OPRD1: variants seen among roughly 807,000 people sequenced by gnomAD.
The protein encoded by OPRD1 is opioid receptor delta 1.
In OPRD1, 19 loss-of-function variants were observed where a neutral mutation model predicts 17.5. The ratio of observed to expected loss-of-function variants is 1.09; its 90% confidence interval spans 0.76 to 1.60. OPRD1 has a LOEUF of 1.60. Ranked by LOEUF, OPRD1 falls within the 40% of genes most tolerant of loss-of-function variation. OPRD1 has a pLI of 0.00. For missense variants in OPRD1, 483 were observed against 547.2 expected, an observed-to-expected ratio of 0.88 and a Z score of 1.17; for synonymous variants, 256 against 240.9, an observed-to-expected ratio of 1.06 and a Z score of -0.58.
At chr1:28,845,654 T>C (rs989591494) in intron 1 of OPRD1, among the ~76,000 whole-genome samples, 1 of 152,194 alleles carries the variant, frequency 6.6e-6, no homozygotes, top group Non-Finnish European at 1.5e-5. Context: ...TTGCCAAATC[T>C]GGTGTCATGA....
chr1:28,834,377 T>C (rs1044762487), intron 1 of OPRD1, among the ~76,000 whole-genome samples: 2 of 98,666 alleles, frequency 2.0e-5, no homozygotes, highest in Admixed American at 1.5e-4. Flanking sequence ...TTCTTTCTTT[T>C]TTTCTTTTTT....
chr1:28,832,005 C>G (rs2088811664), intron 1 of OPRD1, among the ~76,000 whole-genome samples: 1 of 152,194 alleles, frequency 6.6e-6, no homozygotes, highest in African/African-American at 2.4e-5. Flanking sequence ...ATTCACTTGC[C>G]CAGGGCCACA....
intron 1 of OPRD1, among the ~76,000 whole-genome samples, chr1:28,827,811 A>G (rs1383278531): frequency 6.6e-6 from 1 of 152,080 alleles, no homozygotes; most frequent in Non-Finnish European, 1.5e-5. Context: ...TGCAGCCTCA[A>G]ACTCCTGGGC....
chr1:28,848,244 TAA>T (rs11350728), intron 1 of OPRD1, among the ~76,000 whole-genome samples: 43 of 148,598 alleles, frequency 2.9e-4, no homozygotes, highest in East Asian at 2.0e-3. Flanking sequence ...AGACTCCGTC[TAA>T]AAAAAAAAAA....
chr1:28,855,258 G>T (rs967705869), intron 1 of OPRD1, among the ~76,000 whole-genome samples: 5 of 152,074 alleles, frequency 3.3e-5, no homozygotes, highest in Non-Finnish European at 4.4e-5. Context: ...AATATGGGGG[G>T]ACCGGGGTTC....
At chr1:28,831,072 C>G (rs536558896) in intron 1 of OPRD1, among the ~76,000 whole-genome samples, 1 of 152,366 alleles carries the variant, frequency 6.6e-6, no homozygotes, top group African/African-American at 2.4e-5. Context: ...GTTACAAAAA[C>G]TCATCCTCCC....
chr1:28,826,082 C>G (rs547838957), intron 1 of OPRD1, among the ~76,000 whole-genome samples: 1 of 152,162 alleles, frequency 6.6e-6, no homozygotes, highest in Non-Finnish European at 1.5e-5. Flanking sequence ...GTGAAGTCAA[C>G]CGAAACAGGC....
intron 1 of OPRD1, among the ~76,000 whole-genome samples, chr1:28,841,988 T>A (rs1175803427): frequency 6.6e-6 from 1 of 151,542 alleles, no homozygotes; most frequent in Non-Finnish European, 1.5e-5. Context: ...CCTCCCAAAG[T>A]GCTGGGATTA....
Position 28,812,184 on chromosome 1 carries a change from G to A in OPRD1, c.-200G>A. The A allele has an allele frequency of 5.6e-6, 1 of 177,014 alleles. No individual in the cohort carries two copies. The highest frequency in any genetic ancestry group is 1.1e-5 in the Non-Finnish European group (1 of 87,600). The allele number at this position is 177,014 out of a possible 1,614,324, so 11.0% of individuals were successfully genotyped here. A position where few individuals can be genotyped will look rare whatever the true frequency, so the allele number is the denominator to read the frequency against. ...GCTCCTGGCTCACAGCGCTCCGGGC[G>A]AGGAGAGCGGGCGGACGCCGGGGGC... On this transcript the variant is annotated 5_prime_UTR_variant, in exon 1 of 3. Coordinates refer to ENST00000234961, the MANE Select transcript of OPRD1 (RefSeq NM_000911.4).
In OPRD1 at chr1:28,866,351, A is replaced by C. The variant is rs1219775122; in HGVS notation, c.*3068A>C. 6.6e-6 allele frequency: 1 copy of C among 152,274 alleles called. No individual in the cohort carries two copies. Among genetic ancestry groups the C allele is most frequent in the African/African-American group, 2.4e-5 (1 of 41,462 alleles). 9.4% of individuals were successfully genotyped at this position (152,274 alleles called of 1,614,324 possible). A position where few individuals can be genotyped will look rare whatever the true frequency, so the allele number is the denominator to read the frequency against. The stretch of plus-strand genomic sequence containing the variant: ...GATGAATAGGAGTTGGCCACCAAAA[A>C]GAGGAAATAGCGTGTGCGGAGGCAT... On this transcript the variant is annotated 3_prime_UTR_variant, in exon 3 of 3. Transcript: ENST00000234961.
intron 1 of OPRD1, among the ~76,000 whole-genome samples, chr1:28,815,884 G>C (rs2088668699): frequency 1.3e-5 from 2 of 152,226 alleles, no homozygotes; most frequent in Admixed American, 6.5e-5. Flanking sequence ...GGGTGGTGTA[G>C]TGGGCAGAGC....
At chr1:28,851,844 A>T (rs2089006484) in intron 1 of OPRD1, among the ~76,000 whole-genome samples, 1 of 140,720 alleles carries the variant, frequency 7.1e-6, no homozygotes, top group Non-Finnish European at 1.5e-5. Flanking sequence ...AATGAGAGAG[A>T]AACTCCGTCT....
Position 28,863,083 on chromosome 1 carries a change from G to T in OPRD1, c.919G>T (p.Gly307Cys), listed in dbSNP as rs751566725. 1.2e-6 allele frequency: 2 copies of T among 1,609,322 alleles called. No individual in the cohort carries two copies. The highest frequency in any genetic ancestry group is 2.7e-5 in the African/African-American group (2 of 74,978). ...TGCGCTGCACCTGTGCATCGCGCTG[G>T]GCTACGCCAATAGCAGCCTCAACCC... ...VAALHLCIAL[G>C]YANSSLNPVL... Residue 307 changes from glycine (G) to cysteine (C), a missense_variant, in exon 3 of 3, where the codon GGC (glycine) becomes TGC (cysteine). By Grantham distance (159) the Gly-to-Cys change is radical. Transcript: ENST00000234961.
chr1:28,827,047 C>T (rs561518858), intron 1 of OPRD1, among the ~76,000 whole-genome samples: 25 of 152,342 alleles, frequency 1.6e-4, no homozygotes, highest in African/African-American at 3.4e-4. Context: ...GTAATTCCAG[C>T]ACTTTGGGAG....
intron 1 of OPRD1, among the ~76,000 whole-genome samples, chr1:28,820,847 G>A (rs1011650112): frequency 6.6e-5 from 10 of 150,544 alleles, no homozygotes; most frequent in East Asian, 2.0e-4. Flanking sequence ...TGATCTGCCC[G>A]CCTCTGGCCT....
chr1:28,846,858 C>CT (rs367638096), intron 1 of OPRD1, among the ~76,000 whole-genome samples: 654 of 54,270 alleles, frequency 0.012, 6 homozygotes, highest in African/African-American at 0.031. Context: ...TTCTTTCTTT[C>CT]TTTCTTTCTT....
Position 28,837,654 on chromosome 1 carries a change from CAAAAAACAA to C in OPRD1, c.228-21284_228-21276del, listed in dbSNP as rs199682149. Among the ~76,000 whole-genome samples, 1,747 of 150,206 alleles carry C rather than the reference CAAAAAACAA, an allele frequency of 0.012. 91 individuals carry two copies. In the East Asian group the frequency reaches 0.19, roughly 16 times the overall value. On this transcript the variant is annotated intron_variant, in intron 1 of 2. Transcript: ENST00000234961. ...AGAGTGAGATTCCGTCTCAAAAAAACAAAAAACAAAAAAAACAAAAAAAAACCCAAAAAA... is the reference window on the plus strand; with the variant it reads ...AGAGTGAGATTCCGTCTCAAAAAAACAAAAAACAAAAAAAAACCCAAAAAA...
intron 1 of OPRD1, among the ~76,000 whole-genome samples, chr1:28,826,815 A>T (rs1253846451): frequency 6.6e-6 from 1 of 152,232 alleles, no homozygotes; most frequent in Admixed American, 6.5e-5. Context: ...TTCATGAAAG[A>T]TTTCTCTGTA....
intron 1 of OPRD1, among the ~76,000 whole-genome samples, chr1:28,833,804 T>G (rs1380447283): frequency 2.6e-5 from 4 of 152,188 alleles, no homozygotes; most frequent in Admixed American, 1.3e-4. Context: ...ATCTACCAAA[T>G]GCCGTGGTAG....
Sources: allele counts gnomAD v4.1 joint callset (sites outside exome capture counted in the v4.1 genomes callset), GRCh38; gene constraint gnomAD v4.1.1; transcripts MANE v1.5; gene names NCBI Gene and HGNC (gene_info 2026-07-23, HGNC 2026-07-21).